The following ST3GAL4 variants were observed in gnomAD, a reference collection of about 807,000 sequenced individuals.
ST3GAL4 encodes the protein CMP-N-acetylneuraminate-beta-galactosamide-alpha-2,3-sialyltransferase 4.
A neutral mutation model predicts 42.6 loss-of-function variants in ST3GAL4; 24 were observed. That is an observed-to-expected ratio of 0.56 (90% CI 0.41 to 0.79). ST3GAL4 has a LOEUF of 0.79. Among genes scored for constraint, ST3GAL4 ranks in the 30% least tolerant of loss-of-function variants. ST3GAL4 has a pLI of 0.00. For synonymous variants in ST3GAL4, 135 were observed against 163.2 expected (o/e 0.83, Z 1.32); for missense variants, 311 against 430.8 (o/e 0.72, Z 2.46).
At chr11:126,361,603 C>T (rs1440597830) in intron 1 of ST3GAL4, among the ~76,000 whole-genome samples, 1 of 152,066 alleles carries the variant, frequency 6.6e-6, no homozygotes, top group African/African-American at 2.4e-5. Context: ...CTTCCTCCCC[C>T]TTCCTCCCCC....
intron 1 of ST3GAL4, among the ~76,000 whole-genome samples, chr11:126,387,892 C>T (rs1008426283): frequency 9.2e-5 from 14 of 152,296 alleles, no homozygotes; most frequent in African/African-American, 3.4e-4. Context: ...TCGTTGTTTT[C>T]ACCCATCCTA....
In ST3GAL4 at chr11:126,363,495, C is replaced by A. The variant is rs1952319168; in HGVS notation, c.-61+7653C>A. ...CCATGGGAGCAGGAGTCAGCTCCTCCTGTTGGCAGCTCCAGCATTTTCGAA... is the reference window on the plus strand; with the variant it reads ...CCATGGGAGCAGGAGTCAGCTCCTCATGTTGGCAGCTCCAGCATTTTCGAA... On this transcript the variant is annotated intron_variant, in intron 1 of 10. Transcript: ENST00000444328. The surrounding 1 kb of genome is among the most constrained non-coding windows in gnomAD (Gnocchi z 4.6). Among the ~76,000 whole-genome samples, 1 of 152,204 alleles carries A rather than the reference C, an allele frequency of 6.6e-6. No individual in the cohort carries two copies. Among genetic ancestry groups the A allele is most frequent in the Non-Finnish European group, 1.5e-5 (1 of 68,052 alleles).
intron 1 of ST3GAL4, among the ~76,000 whole-genome samples, chr11:126,377,181 T>G (rs1020192741): frequency 1.3e-5 from 2 of 152,218 alleles, no homozygotes; most frequent in Non-Finnish European, 2.9e-5. Context: ...ATGACACTTT[T>G]TTTTTTTGAG....
In ST3GAL4 at chr11:126,366,857, A is replaced by G. The variant is rs1591420065; in HGVS notation, c.-61+11015A>G. 6.6e-6 allele frequency among the ~76,000 whole-genome samples: 1 copy of G among 152,274 alleles called. No individual in the cohort carries two copies. Among genetic ancestry groups the G allele is most frequent in the South Asian group, 2.1e-4 (1 of 4,828 alleles). On this transcript the variant is annotated intron_variant, in intron 1 of 10. Coordinates refer to ENST00000444328, the MANE Select transcript of ST3GAL4 (RefSeq NM_001254757.2). This position sits in a 1 kb window ranked among gnomAD's most constrained non-coding sequence, Gnocchi z 4.2. Reference sequence around the variant, plus strand: ...CAGAAACCACTGCTCCAAAACTCTTAAAAGCAGAGCCGAGAGCCTGAATTC... The same window carrying G: ...CAGAAACCACTGCTCCAAAACTCTTGAAAGCAGAGCCGAGAGCCTGAATTC...
Position 126,384,525 on chromosome 11 carries a change from G to T in ST3GAL4, c.-60-21571G>T, listed in dbSNP as rs571560243. On this transcript the variant is annotated intron_variant, in intron 1 of 10. Coordinates refer to ENST00000444328, the MANE Select transcript of ST3GAL4 (RefSeq NM_001254757.2). This position sits in a 1 kb window ranked among gnomAD's most constrained non-coding sequence, Gnocchi z 5.5. The stretch of plus-strand genomic sequence containing the variant: ...GCTCAGGTGTGGCGGGCCTGCCTGT[G>T]GGGTCACCATGGACAGGAGGCTGGT... 4.4e-3 allele frequency among the ~76,000 whole-genome samples: 667 copies of T among 152,248 alleles called. 6 individuals carry two copies. Among genetic ancestry groups the T allele is most frequent in the African/African-American group, 0.014 (577 of 41,540 alleles).
rs1399899835 is a variant in ST3GAL4, at chr11:126,406,084, C to G, written c.-60-12C>G. The G allele has an allele frequency of 4.5e-6, 7 of 1,551,476 alleles. No individual in the cohort carries two copies. In the African/African-American group the frequency reaches 6.8e-5, roughly 15 times the overall value. On this transcript the variant is annotated splice_polypyrimidine_tract_variant and intron_variant, in intron 1 of 10. Coordinates refer to ENST00000444328, the MANE Select transcript of ST3GAL4 (RefSeq NM_001254757.2). This position sits in a 1 kb window ranked among gnomAD's most constrained non-coding sequence, Gnocchi z 5.4. ...TGAAGCTGACCGGACACCTGTGGCT[C>G]TTATTTCCTAGGTGGCCCGAGGCAG...
chr11:126,413,107 T>A (rs973317848), intron 9 of ST3GAL4, among the ~76,000 whole-genome samples: 1 of 152,044 alleles, frequency 6.6e-6, no homozygotes. Flanking sequence ...TTGTTTATTT[T>A]TAGAGATGGG....
chr11:126,375,935 G>A (rs191381212), intron 1 of ST3GAL4, among the ~76,000 whole-genome samples: 7 of 146,534 alleles, frequency 4.8e-5, no homozygotes, highest in East Asian at 2.0e-4. Context: ...CAAAGTGAAC[G>A]TGCAGTACAT....
intron 9 of ST3GAL4, among the ~76,000 whole-genome samples, chr11:126,412,788 C>A (rs1437820799): frequency 6.6e-6 from 1 of 152,246 alleles, no homozygotes; most frequent in Non-Finnish European, 1.5e-5. Context: ...AGAACACTTC[C>A]TTTCCTTTGA....
chr11:126,374,218 G>A (rs1457656706), intron 1 of ST3GAL4, among the ~76,000 whole-genome samples: 3 of 151,922 alleles, frequency 2.0e-5, no homozygotes, highest in African/African-American at 4.8e-5. Flanking sequence ...TTGGGAGGCC[G>A]AGTTTGGCAG....
In ST3GAL4 at chr11:126,406,290, C is replaced by T. The variant is rs1954226038; in HGVS notation, c.16+119C>T. 6.5e-7 allele frequency: 1 copy of T among 1,545,038 alleles called. No homozygotes were observed. ...CAGACAGGGAGCCAGGGGCCCTTCT[C>T]TTCATCTTGAAGGACAGTGGGTACA... On this transcript the variant is annotated intron_variant, in intron 2 of 10. Transcript: ENST00000444328. This position sits in a 1 kb window ranked among gnomAD's most constrained non-coding sequence, Gnocchi z 5.4.
Position 126,406,634 on chromosome 11 carries a change from G to T in ST3GAL4, c.101+77G>T. The T allele has an allele frequency of 3.1e-6, 5 of 1,588,212 alleles. No individual in the cohort carries two copies. The highest frequency in any genetic ancestry group is 4.3e-6 in the Non-Finnish European group (5 of 1,165,564). On this transcript the variant is annotated intron_variant, in intron 3 of 10. Coordinates refer to ENST00000444328, the MANE Select transcript of ST3GAL4 (RefSeq NM_001254757.2). The surrounding 1 kb of genome is among the most constrained non-coding windows in gnomAD (Gnocchi z 5.4). ...AGGGATGGAGCATCATGGAGCGGGG[G>T]ACCTAGTAGGGCAGGAAGGTTCCAA...
Position 126,404,224 on chromosome 11 carries a change from C to T in ST3GAL4, c.-60-1872C>T, listed in dbSNP as rs182161321. The stretch of plus-strand genomic sequence containing the variant: ...GGAAGGGGCCAAAGAATCCACTTGT[C>T]TGGGCTCTGGGATGCCCATGGGACT... On this transcript the variant is annotated intron_variant, in intron 1 of 10. Transcript: ENST00000444328. 2.4e-4 allele frequency among the ~76,000 whole-genome samples: 36 copies of T among 152,308 alleles called. No homozygotes were observed. The East Asian group carries it at 6.6e-3, about 28-fold the overall frequency.
At position 126,409,176 on chromosome 11, in the gene ST3GAL4, G is replaced by T; in HGVS notation, c.628-92G>T. ...TCCTGAAGGCCTCTGCCATCGCTTG[G>T]ACCCCCTCGCCTCGCTGAGGACCAC... On this transcript the variant is annotated intron_variant, in intron 8 of 10. Coordinates refer to ENST00000444328, the MANE Select transcript of ST3GAL4 (RefSeq NM_001254757.2). The surrounding 1 kb of genome is among the most constrained non-coding windows in gnomAD (Gnocchi z 4.9). 1 of 1,532,866 alleles carries T rather than the reference G, an allele frequency of 6.5e-7. No homozygotes were observed. Among genetic ancestry groups the T allele is most frequent in the Non-Finnish European group, 8.9e-7 (1 of 1,123,754 alleles). The allele number at this position is 1,532,866 out of a possible 1,614,324, so 95.0% of individuals were successfully genotyped here.
At chr11:126,403,367 C>T (rs1343674920) in intron 1 of ST3GAL4, 1 of 979,684 alleles carries the variant, frequency 1.0e-6, no homozygotes, top group Non-Finnish European at 1.2e-6. Context: ...CCTCTGACGC[C>T]AAAGGTTTTT....
intron 8 of ST3GAL4, 61 bp downstream of exon 8, chr11:126,408,557 A>T: frequency 6.3e-7 from 1 of 1,577,850 alleles, no homozygotes; most frequent in Non-Finnish European, 8.6e-7. Context: ...CCGAGTCAGG[A>T]CCTCACGCTC....
At chr11:126,361,961 CAT>C (rs1952258539) in intron 1 of ST3GAL4, among the ~76,000 whole-genome samples, 1 of 150,136 alleles carries the variant, frequency 6.7e-6, no homozygotes, top group African/African-American at 2.5e-5. Context: ...GGCTCACTGC[CAT>C]CTCTGCCTCC....
intron 1 of ST3GAL4, among the ~76,000 whole-genome samples, chr11:126,367,941 A>C (rs544875200): frequency 6.6e-6 from 1 of 151,408 alleles, no homozygotes; most frequent in Admixed American, 6.6e-5. Flanking sequence ...TGAGGTCAGG[A>C]TTTTGAGACC....
rs1422396705 is a variant in ST3GAL4, at chr11:126,366,307, T to C, written c.-61+10465T>C. ...GAATGGAGGAAGAGAGTGCCCTGGC[T>C]GGGGGAGCCCCTCAAGCCCTGGAAG... On this transcript the variant is annotated intron_variant, in intron 1 of 10. Transcript: ENST00000444328. This position sits in a 1 kb window ranked among gnomAD's most constrained non-coding sequence, Gnocchi z 4.2. Among the ~76,000 whole-genome samples the C allele has an allele frequency of 6.6e-6, 1 of 152,092 alleles. No individual in the cohort carries two copies. The highest frequency in any genetic ancestry group is 2.4e-5 in the African/African-American group (1 of 41,408).
Sources: gnomAD v4.1 joint callset for allele counts (sites outside exome capture counted in the v4.1 genomes callset) on GRCh38, gnomAD v4.1.1 for gene constraint, Gnocchi (gnomAD v3.1) non-coding constraint, MANE v1.5 for transcripts, NCBI Gene and HGNC (gene_info 2026-07-23, HGNC 2026-07-21) for gene names.